Variants in SV2C observed in about 807,000 individuals in gnomAD.
SV2C encodes the protein synaptic vesicle glycoprotein 2C.
SV2C carries 49 observed loss-of-function variants against 79.7 expected under a neutral mutation model. The observed-to-expected ratio is 0.61, with a 90% CI of 0.49 to 0.78. The LOEUF (loss-of-function observed/expected upper bound fraction) is 0.78. Among genes scored for constraint, SV2C ranks in the 30% least tolerant of loss-of-function variants. SV2C has a pLI of 0.00. For missense variants in SV2C, 833 were observed against 912.9 expected (o/e 0.91, Z 1.13); for synonymous variants, 334 against 333.2 (o/e 1.00, Z -0.03).
chr5:75,850,440 T>A, the SV2C span, among the ~76,000 whole-genome samples: 1 of 152,190 alleles, frequency 6.6e-6, no homozygotes, highest in Non-Finnish European at 1.5e-5. Context: ...TCTAGCTTCT[T>A]ATTTTTTTCT....
At chr5:75,996,445 T>C in the SV2C span, among the ~76,000 whole-genome samples, 2 of 152,172 alleles carry the variant, frequency 1.3e-5, no homozygotes, top group South Asian at 2.1e-4. Flanking sequence ...TCTTTTGGCT[T>C]AGGATTGACT....
chr5:76,134,857 C>T (rs1241830598), intron 2 of SV2C, among the ~76,000 whole-genome samples: 1 of 152,138 alleles, frequency 6.6e-6, no homozygotes, highest in Non-Finnish European at 1.5e-5. Context: ...TTATTAAGCA[C>T]TTACTGTGTG....
At chr5:75,858,820 A>G in the SV2C span, among the ~76,000 whole-genome samples, 2 of 150,944 alleles carry the variant, frequency 1.3e-5, no homozygotes, top group East Asian at 1.9e-4. Flanking sequence ...TTCATGGTTC[A>G]CTCTTGGTAG....
chr5:75,870,493 T>TTAAAAA, the SV2C span, among the ~76,000 whole-genome samples: 1 of 151,302 alleles, frequency 6.6e-6, no homozygotes, highest in Non-Finnish European at 1.5e-5. Context: ...TTAAAAAAAA[T>TTAAAAA]GAAGCATGCC....
At chr5:75,915,670 G>C in the SV2C span, among the ~76,000 whole-genome samples, 1 of 152,190 alleles carries the variant, frequency 6.6e-6, no homozygotes, top group East Asian at 1.9e-4. Flanking sequence ...ATGAGAATAG[G>C]ATTTGTGGTC....
intron 4 of SV2C, among the ~76,000 whole-genome samples, chr5:76,215,693 G>A (rs1336266577): frequency 1.3e-5 from 2 of 152,318 alleles, no homozygotes; most frequent in East Asian, 3.9e-4. Context: ...CACTCCCTGT[G>A]CATTGAGTTT....
intron 12 of SV2C, among the ~76,000 whole-genome samples, chr5:76,306,790 A>G (rs574185884): frequency 2.0e-5 from 3 of 152,384 alleles, no homozygotes; most frequent in African/African-American, 7.2e-5. Flanking sequence ...CACTTAGCAT[A>G]TAAAAATGCT....
intron 3 of SV2C, among the ~76,000 whole-genome samples, chr5:76,195,490 T>G (rs550965531): frequency 6.6e-6 from 1 of 152,274 alleles, no homozygotes; most frequent in South Asian, 2.1e-4. Flanking sequence ...AAATTCAGGA[T>G]TAGAGTGTCT....
the SV2C span, among the ~76,000 whole-genome samples, chr5:75,982,723 T>C: frequency 2.0e-5 from 3 of 152,124 alleles, no homozygotes; most frequent in African/African-American, 7.2e-5. Flanking sequence ...TAAATGCCCA[T>C]CAATGATAGA....
the SV2C span, among the ~76,000 whole-genome samples, chr5:75,926,728 A>C: frequency 6.6e-6 from 1 of 152,232 alleles, no homozygotes; most frequent in South Asian, 2.1e-4. Flanking sequence ...TATTCCTGCC[A>C]AACTGCATGT....
At chr5:76,350,764 C>T (rs1386253300) in intron 12 of SV2C, among the ~76,000 whole-genome samples, 2 of 152,106 alleles carry the variant, frequency 1.3e-5, no homozygotes, top group African/African-American at 4.8e-5. Flanking sequence ...GCCTGTAATC[C>T]CAGCACTTTG....
intron 2 of SV2C, among the ~76,000 whole-genome samples, chr5:76,174,928 T>C (rs1035470408): frequency 2.0e-5 from 3 of 152,228 alleles, no homozygotes; most frequent in Non-Finnish European, 4.4e-5. Context: ...GCTGTTGCTG[T>C]GAATGTTAAA....
chr5:75,924,756 A>G, the SV2C span, among the ~76,000 whole-genome samples: 2 of 144,050 alleles, frequency 1.4e-5, no homozygotes, highest in Non-Finnish European at 3.1e-5. Flanking sequence ...GAAAATTTAT[A>G]CATATATATA....
chr5:76,162,851 A>G (rs1742934740), intron 2 of SV2C, among the ~76,000 whole-genome samples: 1 of 152,154 alleles, frequency 6.6e-6, no homozygotes, highest in Admixed American at 6.5e-5. Flanking sequence ...TCCAAACTGG[A>G]TTTTGTAAGG....
At chr5:75,908,816 C>G in the SV2C span, among the ~76,000 whole-genome samples, 13 of 152,180 alleles carry the variant, frequency 8.5e-5, no homozygotes, top group Non-Finnish European at 1.6e-4. Context: ...AACAGTACCT[C>G]TTCAAGTGCT....
chr5:76,249,185 C>T (rs538531564), intron 4 of SV2C, among the ~76,000 whole-genome samples: 1 of 152,318 alleles, frequency 6.6e-6, no homozygotes, highest in African/African-American at 2.4e-5. Flanking sequence ...AGTATACACA[C>T]AGAAGTTCTC....
chr5:75,961,331 T>C, the SV2C span, among the ~76,000 whole-genome samples: 1 of 152,034 alleles, frequency 6.6e-6, no homozygotes, highest in Non-Finnish European at 1.5e-5. Context: ...TTCCATTAAA[T>C]TTATTTTTCT....
intron 4 of SV2C, among the ~76,000 whole-genome samples, chr5:76,279,083 T>A (rs1471630108): frequency 6.6e-6 from 1 of 151,760 alleles, no homozygotes; most frequent in Non-Finnish European, 1.5e-5. Context: ...GAGGATGAGG[T>A]CTCAGTTTTT....
intron 4 of SV2C, among the ~76,000 whole-genome samples, chr5:76,238,883 T>A (rs1745697006): frequency 6.6e-6 from 1 of 152,196 alleles, no homozygotes; most frequent in South Asian, 2.1e-4. Context: ...TCTGATTGAT[T>A]TACCCAAGTC....
Sources: gnomAD v4.1 joint callset for allele counts (sites outside exome capture counted in the v4.1 genomes callset) on GRCh38, gnomAD v4.1.1 for gene constraint, MANE v1.5 for transcripts, NCBI Gene and HGNC (gene_info 2026-07-23, HGNC 2026-07-21) for gene names.